The following PTPRD variants were observed in gnomAD, a reference collection of about 807,000 sequenced individuals.
The protein encoded by PTPRD is receptor-type tyrosine-protein phosphatase delta.
In PTPRD, 34 loss-of-function variants were observed where a neutral mutation model predicts 214.5. The ratio of observed to expected loss-of-function variants is 0.16; its 90% CI spans 0.12 to 0.21. The LOEUF (loss-of-function observed/expected upper bound fraction) is 0.21. Among genes scored for constraint, PTPRD ranks in the 10% least tolerant of loss-of-function variants. The pLI is 1.00. For missense variants in PTPRD, 2,545 were observed against 2,398.7 expected (o/e 1.06, Z -1.27); for synonymous variants, 1,128 against 845.7 (o/e 1.33, Z -5.79).
At chr9:9,225,861 G>C (rs147959120) in intron 9 of PTPRD, among the ~76,000 whole-genome samples, 1 of 152,064 alleles carries the variant, frequency 6.6e-6, no homozygotes, top group Non-Finnish European at 1.5e-5. Context: ...TCATAATATA[G>C]TATCATATTG....
chr9:9,284,782 C>T (rs1948840469), intron 9 of PTPRD, among the ~76,000 whole-genome samples: 1 of 151,748 alleles, frequency 6.6e-6, no homozygotes, highest in Admixed American at 6.6e-5. Flanking sequence ...ATTAACTAGT[C>T]ATGTGACCAC....
chr9:9,468,820 G>T (rs1321988266), intron 8 of PTPRD, among the ~76,000 whole-genome samples: 1 of 152,018 alleles, frequency 6.6e-6, no homozygotes, highest in African/African-American at 2.4e-5. Flanking sequence ...TTTACGTAAT[G>T]CCAGGCACAC....
chr9:8,519,602 A>G (rs2097851367), intron 20 of PTPRD, among the ~76,000 whole-genome samples: 1 of 152,112 alleles, frequency 6.6e-6, no homozygotes, highest in South Asian at 2.1e-4. Flanking sequence ...CTTCTGACTT[A>G]CTGTAAAATT....
chr9:10,591,160 A>C (rs1567100552), intron 2 of PTPRD, among the ~76,000 whole-genome samples: 1 of 151,940 alleles, frequency 6.6e-6, no homozygotes, highest in Non-Finnish European at 1.5e-5. Context: ...ACCCTGCTGA[A>C]TGACCCAATT....
At chr9:9,043,015 C>G (rs324530) in intron 10 of PTPRD, among the ~76,000 whole-genome samples, 57,624 of 151,990 alleles carry the variant, frequency 0.38, 11,855 homozygotes, top group Middle Eastern at 0.49. Context: ...TGTTACCAAA[C>G]TTCATTTGCT....
At chr9:9,572,601 G>T (rs1007099685) in intron 8 of PTPRD, among the ~76,000 whole-genome samples, 6 of 145,378 alleles carry the variant, frequency 4.1e-5, no homozygotes, top group African/African-American at 1.5e-4. Context: ...ATGTATATGT[G>T]TATATATATA....
chr9:8,866,439 G>C (rs1004794890), intron 11 of PTPRD, among the ~76,000 whole-genome samples: 3 of 151,914 alleles, frequency 2.0e-5, no homozygotes, highest in Non-Finnish European at 4.4e-5. Context: ...TTGTTTTCCT[G>C]ATTGGCCCCA....
At chr9:9,572,575 ATATATG>A (rs1563775275) in intron 8 of PTPRD, among the ~76,000 whole-genome samples, 1 of 133,052 alleles carries the variant, frequency 7.5e-6, no homozygotes, top group Admixed American at 7.5e-5. Flanking sequence ...ATATATATAT[ATATATG>A]TGTATATATA....
intron 11 of PTPRD, among the ~76,000 whole-genome samples, chr9:8,943,964 A>C (rs1188074408): frequency 6.6e-6 from 1 of 151,974 alleles, no homozygotes; most frequent in Non-Finnish European, 1.5e-5. Context: ...TGAAGAGACA[A>C]CACATGGAAT....
At position 8,566,276 on chromosome 9, in the gene PTPRD, G is replaced by A. The variant is rs1313481183; in HGVS notation, c.353-37497C>T. Among the ~76,000 whole-genome samples, 9 of 152,000 alleles carry A rather than the reference G, an allele frequency of 5.9e-5. No individual in the cohort carries two copies. In the South Asian group the frequency reaches 1.7e-3, roughly 28 times the overall value. ...AGGGTTAGGTGTATTTCTACTTCAAGAAGAAAGCCACCCAAAGAATTGCTG... is the reference window on the plus strand; with the variant it reads ...AGGGTTAGGTGTATTTCTACTTCAAAAAGAAAGCCACCCAAAGAATTGCTG... On this transcript the variant is annotated intron_variant, in intron 14 of 45. Transcript: ENST00000381196.
At chr9:9,947,671 G>A (rs1191669668) in intron 4 of PTPRD, among the ~76,000 whole-genome samples, 4 of 105,266 alleles carry the variant, frequency 3.8e-5, no homozygotes, top group South Asian at 5.3e-4. Flanking sequence ...CATGTAGGTA[G>A]TAAAAGGTCA....
At chr9:10,468,429 T>C (rs1192226059) in intron 2 of PTPRD, among the ~76,000 whole-genome samples, 1 of 151,908 alleles carries the variant, frequency 6.6e-6, no homozygotes, top group African/African-American at 2.4e-5. Flanking sequence ...ATGTTCTCAC[T>C]CATAAGAGGG....
At chr9:8,322,592 A>G (rs1829511494) in intron 44 of PTPRD, among the ~76,000 whole-genome samples, 1 of 152,218 alleles carries the variant, frequency 6.6e-6, no homozygotes, top group Non-Finnish European at 1.5e-5. Context: ...GTTTGAAGTT[A>G]GCACAGGTTG....
chr9:8,421,066 C>T (rs1171953155), intron 35 of PTPRD, among the ~76,000 whole-genome samples: 1 of 152,046 alleles, frequency 6.6e-6, no homozygotes, highest in South Asian at 2.1e-4. Flanking sequence ...TCCTCCGTCT[C>T]CAAAAGACTT....
intron 2 of PTPRD, among the ~76,000 whole-genome samples, chr9:10,445,650 A>C (rs1326819010): frequency 1.3e-5 from 2 of 152,114 alleles, no homozygotes; most frequent in Non-Finnish European, 2.9e-5. Context: ...AGATAGAGTG[A>C]GTCAGGGACA....
At chr9:10,228,535 A>G (rs949606552) in intron 3 of PTPRD, among the ~76,000 whole-genome samples, 5 of 151,946 alleles carry the variant, frequency 3.3e-5, no homozygotes, top group African/African-American at 1.2e-4. Flanking sequence ...CTTTTCGAAT[A>G]TAAGAAAATC....
intron 6 of PTPRD, among the ~76,000 whole-genome samples, chr9:9,754,871 A>C (rs911099787): frequency 6.6e-6 from 1 of 152,088 alleles, no homozygotes; most frequent in East Asian, 1.9e-4. Context: ...GGTGCTAAGG[A>C]GAATTACCAA....
chr9:10,571,099 GC>G (rs1357733406), intron 2 of PTPRD, among the ~76,000 whole-genome samples: 2 of 151,874 alleles, frequency 1.3e-5, no homozygotes, highest in African/African-American at 4.8e-5. Flanking sequence ...AATATGAATG[GC>G]ATTATATATG....
At chr9:9,065,271 TAGAG>T (rs1427838413) in intron 10 of PTPRD, among the ~76,000 whole-genome samples, 1 of 152,076 alleles carries the variant, frequency 6.6e-6, no homozygotes, top group Non-Finnish European at 1.5e-5. Flanking sequence ...ATGTTTGAAA[TAGAG>T]AGATCAGGGT....
Sources: allele counts gnomAD v4.1 joint callset (sites outside exome capture counted in the v4.1 genomes callset), GRCh38; gene constraint gnomAD v4.1.1; transcripts MANE v1.5; gene names NCBI Gene and HGNC (gene_info 2026-07-23, HGNC 2026-07-21).